The following ADCY5 variants were observed in gnomAD, a reference collection of about 807,000 sequenced individuals.
ADCY5 encodes the protein adenylate cyclase 5, also known as adenylate cyclase type 5.
ADCY5 carries 30 observed loss-of-function variants against 119.7 expected under a neutral mutation model. The ratio of observed to expected loss-of-function variants is 0.25; its 90% CI spans 0.19 to 0.34. ADCY5 has a LOEUF of 0.34. Ranked by LOEUF, ADCY5 falls within the 10% of genes least tolerant of loss-of-function variation. The probability of loss-of-function intolerance (pLI) is 1.00; values close to 1 mark genes in which losing one functional copy is unlikely to be tolerated. For missense variants in ADCY5, 1,324 were observed against 1,775.2 expected, an observed-to-expected ratio of 0.75 and a Z score of 4.57; for synonymous variants, 753 against 762.2, an observed-to-expected ratio of 0.99 and a Z score of 0.20.
chr3:123,417,415 C>T (rs188003463), intron 1 of ADCY5, among the ~76,000 whole-genome samples: 43 of 152,390 alleles, frequency 2.8e-4, no homozygotes, highest in African/African-American at 1.0e-3. Context: ...CCTCACAAGC[C>T]CTGGACAGAC....
intron 3 of ADCY5, among the ~76,000 whole-genome samples, chr3:123,346,340 T>G (rs1199231987): frequency 1.3e-5 from 2 of 152,242 alleles, no homozygotes; most frequent in African/African-American, 4.8e-5. Flanking sequence ...GCCTTCTTCC[T>G]GGGAGACCAA....
At chr3:123,435,625 C>A (rs1409926382) in intron 1 of ADCY5, among the ~76,000 whole-genome samples, 2 of 152,038 alleles carry the variant, frequency 1.3e-5, no homozygotes, top group Non-Finnish European at 2.9e-5. Context: ...GCCACAAGTT[C>A]TGCTGCCACC....
At chr3:123,402,402 C>G (rs148253452) in intron 1 of ADCY5, among the ~76,000 whole-genome samples, 1 of 152,364 alleles carries the variant, frequency 6.6e-6, no homozygotes, top group Non-Finnish European at 1.5e-5. Context: ...GGCTGCCTGA[C>G]AGCACTGGAT....
chr3:123,383,830 GCA>G (rs745675506), intron 1 of ADCY5, among the ~76,000 whole-genome samples: 488 of 149,774 alleles, frequency 3.3e-3, no homozygotes, highest in African/African-American at 0.011. Context: ...AGGTGCACGT[GCA>G]CACACACACA....
At chr3:123,309,024 G>A (rs1940391760) in intron 12 of ADCY5, among the ~76,000 whole-genome samples, 1 of 152,154 alleles carries the variant, frequency 6.6e-6, no homozygotes, top group Non-Finnish European at 1.5e-5. Context: ...AATAAGTTCA[G>A]AACTAGTACA....
rs1366761512 is a variant in ADCY5, at chr3:123,293,144, C to G, written c.3064-1768G>C. On this transcript the variant is annotated intron_variant, in intron 17 of 20. Coordinates refer to ENST00000462833, the MANE Select transcript of ADCY5 (RefSeq NM_183357.3). ...GGGCTACAGCCTCTTGGTGGCCCCACTAAGGTCAATGCTGGAGGAAGGGAC... is the reference window on the plus strand; with the variant it reads ...GGGCTACAGCCTCTTGGTGGCCCCAGTAAGGTCAATGCTGGAGGAAGGGAC... Among the ~76,000 whole-genome samples, 3 of 152,240 alleles carry G rather than the reference C, an allele frequency of 2.0e-5. No homozygotes were observed. The East Asian group carries it at 5.8e-4, about 29-fold the overall frequency.
At chr3:123,442,725 C>T (rs1174181587) in intron 1 of ADCY5, among the ~76,000 whole-genome samples, 1 of 152,182 alleles carries the variant, frequency 6.6e-6, no homozygotes, top group African/African-American at 2.4e-5. Context: ...TTCCTGAAGT[C>T]CTCCCCCAGG....
intron 17 of ADCY5, 63 bp from the exon 18 acceptor site, chr3:123,291,439 C>T (rs1939143135): frequency 5.2e-6 from 8 of 1,551,978 alleles, no homozygotes; most frequent in Middle Eastern, 1.7e-4. Flanking sequence ...GGCCCCTCCA[C>T]CTCCTCCTCT....
chr3:123,301,690 C>A (rs1223722256), intron 14 of ADCY5, among the ~76,000 whole-genome samples: 2 of 152,358 alleles, frequency 1.3e-5, no homozygotes, highest in Admixed American at 6.5e-5. Context: ...CCTCTCCCCC[C>A]AGGCCTTAGC....
intron 1 of ADCY5, among the ~76,000 whole-genome samples, chr3:123,425,346 C>T (rs998750250): frequency 2.6e-5 from 4 of 152,166 alleles, no homozygotes; most frequent in African/African-American, 9.6e-5. Flanking sequence ...CTCGCCAGAT[C>T]CCTCGGGTGT....
At position 123,284,714 on chromosome 3, in the gene ADCY5, A is replaced by T; in HGVS notation, c.3680T>A (p.Val1227Glu). The T allele has an allele frequency of 6.2e-7, 1 of 1,614,196 alleles. No homozygotes were observed. Among genetic ancestry groups the T allele is most frequent in the East Asian group, 2.2e-5 (1 of 44,878 alleles). Residue 1227 changes from valine (V) to glutamate (E), a missense_variant, in exon 21 of 21, where the codon GTG becomes GAG. Physicochemically the swap from Val to Glu is moderately radical, Grantham distance 121. Around this residue, in one of 6 missense-constraint regions of ADCY5, gnomAD observed 178 missense variants for 329.6 expected, o/e 0.54. Transcript: ENST00000462833. Reference protein sequence around the residue: ...RIQVTTDMYQVLAANTYQLEC... With the variant: ...RIQVTTDMYQELAANTYQLEC... Reference sequence around the variant, plus strand: ...CAGCTGGTACGTGTTGGCAGCCAGCACCTGGTACATGTCTGTGGTGACCTG... The same window carrying T: ...CAGCTGGTACGTGTTGGCAGCCAGCTCCTGGTACATGTCTGTGGTGACCTG...
chr3:123,432,055 C>T (rs1945533013), intron 1 of ADCY5, among the ~76,000 whole-genome samples: 1 of 152,180 alleles, frequency 6.6e-6, no homozygotes. Flanking sequence ...ACCTTAAGCT[C>T]TGACGGACTC....
At chr3:123,367,564 G>C (rs924731928) in intron 1 of ADCY5, among the ~76,000 whole-genome samples, 3 of 152,132 alleles carry the variant, frequency 2.0e-5, no homozygotes, top group African/African-American at 7.2e-5. Flanking sequence ...TCCTCTCCCG[G>C]AATATCAGGC....
intron 8 of ADCY5, among the ~76,000 whole-genome samples, chr3:123,325,082 G>A (rs1453327446): frequency 3.3e-5 from 5 of 152,238 alleles, no homozygotes; most frequent in Admixed American, 3.3e-4. Flanking sequence ...AGGGAGGAAG[G>A]GGTGCTGCCA....
chr3:123,427,791 A>G (rs1945442379), intron 1 of ADCY5, among the ~76,000 whole-genome samples: 1 of 152,236 alleles, frequency 6.6e-6, no homozygotes, highest in African/African-American at 2.4e-5. Context: ...ATTAGAACAC[A>G]GCTTGACACA....
chr3:123,428,871 C>A (rs1407899637), intron 1 of ADCY5, among the ~76,000 whole-genome samples: 1 of 152,224 alleles, frequency 6.6e-6, no homozygotes, highest in African/African-American at 2.4e-5. Context: ...GGAATTCTTG[C>A]ACACCTACGT....
chr3:123,370,432 G>A (rs1310449959), intron 1 of ADCY5, among the ~76,000 whole-genome samples: 1 of 152,208 alleles, frequency 6.6e-6, no homozygotes, highest in African/African-American at 2.4e-5. Flanking sequence ...GCAGCAAGGT[G>A]TGGTCATGAC....
intron 1 of ADCY5, among the ~76,000 whole-genome samples, chr3:123,412,532 C>A (rs146145491): frequency 1.6e-3 from 240 of 152,274 alleles, no homozygotes; most frequent in African/African-American, 5.4e-3. Context: ...ACAGCACTGA[C>A]AGCCTCTGTG....
intron 12 of ADCY5, among the ~76,000 whole-genome samples, chr3:123,307,854 A>G (rs1338029400): frequency 6.6e-6 from 1 of 152,042 alleles, no homozygotes; most frequent in Non-Finnish European, 1.5e-5. Flanking sequence ...TTCCTGGTGA[A>G]TATGGGACCA....
Sources: allele counts gnomAD v4.1 joint callset (sites outside exome capture counted in the v4.1 genomes callset), GRCh38; gene constraint gnomAD v4.1.1; regional missense constraint gnomAD v4.1.1; transcripts MANE v1.5; gene names NCBI Gene and HGNC (gene_info 2026-07-23, HGNC 2026-07-21).